The following DRG1 variants were observed in gnomAD, a reference collection of about 807,000 sequenced individuals.
DRG1 encodes developmentally regulated GTP binding protein 1.
Under a neutral mutation model 38.8 loss-of-function variants are expected in DRG1, and 19 were observed. The observed-to-expected ratio is 0.49, with a 90% CI of 0.34 to 0.72. The LOEUF (loss-of-function observed/expected upper bound fraction) is 0.72. Ranked by LOEUF, DRG1 falls within the 30% of genes least tolerant of loss-of-function variation. DRG1 has a pLI of 0.01. For synonymous variants in DRG1, 167 were observed against 157.5 expected (o/e 1.06, Z -0.45); for missense variants, 299 against 444.8 (o/e 0.67, Z 2.95).
At chr22:31,415,179 TATG>T (rs763618988) in intron 4 of DRG1, among the ~76,000 whole-genome samples, 13 of 152,344 alleles carry the variant, frequency 8.5e-5, no homozygotes, top group Admixed American at 5.2e-4. Context: ...CTATGTCTAA[TATG>T]ATATCTACTA....
At chr22:31,408,783 T>C (rs1484019639) in intron 3 of DRG1, among the ~76,000 whole-genome samples, 1 of 151,506 alleles carries the variant, frequency 6.6e-6, no homozygotes, top group Admixed American at 6.6e-5. Flanking sequence ...AAAGATATTT[T>C]AAGTGATGTT....
chr22:31,415,976 C>G (rs1024707917), intron 4 of DRG1, among the ~76,000 whole-genome samples: 4 of 152,084 alleles, frequency 2.6e-5, no homozygotes, highest in African/African-American at 9.7e-5. Context: ...TGCTGCTATC[C>G]TACTGCTCTG....
At chr22:31,420,900 A>G (rs1283433003) in intron 5 of DRG1, among the ~76,000 whole-genome samples, 1 of 152,228 alleles carries the variant, frequency 6.6e-6, no homozygotes, top group Non-Finnish European at 1.5e-5. Context: ...ATAAGAACAC[A>G]AAGTAGGGAA....
chr22:31,423,200 C>T, intron 5 of DRG1, 80 bp from the exon 6 acceptor site: 1 of 1,555,576 alleles, frequency 6.4e-7, no homozygotes, highest in Non-Finnish European at 8.7e-7. Flanking sequence ...TAGAATTTTC[C>T]AGGTACATGG....
chr22:31,424,026 G>A (rs2050093894), intron 6 of DRG1, among the ~76,000 whole-genome samples: 1 of 151,656 alleles, frequency 6.6e-6, no homozygotes, highest in Non-Finnish European at 1.5e-5. Flanking sequence ...CGCCACGCCT[G>A]GCTAATTTTG....
intron 8 of DRG1, among the ~76,000 whole-genome samples, chr22:31,433,660 G>A (rs903156108): frequency 6.6e-5 from 10 of 152,058 alleles, no homozygotes; most frequent in African/African-American, 2.4e-4. Context: ...TTGACTTTCT[G>A]CAATAAGAGG....
chr22:31,408,769 A>AG (rs1413295680), intron 3 of DRG1, among the ~76,000 whole-genome samples: 18 of 151,586 alleles, frequency 1.2e-4, no homozygotes, highest in Admixed American at 1.2e-3. Context: ...AAAAAAAAAA[A>AG]AAAAAAGATA....
At chr22:31,419,454 T>C (rs2050063679) in intron 4 of DRG1, among the ~76,000 whole-genome samples, 1 of 151,732 alleles carries the variant, frequency 6.6e-6, no homozygotes, top group Non-Finnish European at 1.5e-5. Flanking sequence ...CCTCCCAAAG[T>C]GCTAGGATTA....
intron 2 of DRG1, among the ~76,000 whole-genome samples, chr22:31,402,457 A>G (rs1221286921): frequency 6.6e-6 from 1 of 151,922 alleles, no homozygotes; most frequent in Non-Finnish European, 1.5e-5. Context: ...TAGAGTAGCT[A>G]ACAACTCTAT....
chr22:31,423,150 C>A, intron 5 of DRG1, 130 bp from the exon 6 acceptor site: 2 of 1,137,222 alleles, frequency 1.8e-6, no homozygotes, highest in Non-Finnish European at 2.5e-6. Context: ...GTCAGTGACA[C>A]TCATCCCGGA....
At chr22:31,404,430 C>T (rs911490755) in intron 3 of DRG1, among the ~76,000 whole-genome samples, 13 of 151,436 alleles carry the variant, frequency 8.6e-5, no homozygotes, top group East Asian at 1.9e-4. Flanking sequence ...TTTGTAGAGA[C>T]GGGGTTTCAC....
chr22:31,426,963 G>T (rs959030851), intron 7 of DRG1, 97 bp from the exon 8 acceptor site: 12 of 1,560,132 alleles, frequency 7.7e-6, no homozygotes, highest in South Asian at 2.4e-5. Flanking sequence ...GTTGGAGGTT[G>T]TCCTGGTCTG....
intron 4 of DRG1, among the ~76,000 whole-genome samples, chr22:31,413,300 G>T (rs887398690): frequency 2.6e-5 from 4 of 152,012 alleles, no homozygotes; most frequent in Non-Finnish European, 5.9e-5. Flanking sequence ...TTGCTCTGTT[G>T]CCCAGGCTGG....
intron 8 of DRG1, 72 bp from the exon 9 acceptor site, chr22:31,433,796 AAGGG>A: frequency 7.7e-7 from 1 of 1,306,740 alleles, no homozygotes; most frequent in South Asian, 1.2e-5. Flanking sequence ...ATCTGAGCAG[AAGGG>A]TGGCATCCAG....
chr22:31,412,810 C>T (rs943450826), intron 4 of DRG1, among the ~76,000 whole-genome samples: 3 of 151,588 alleles, frequency 2.0e-5, no homozygotes, highest in South Asian at 2.1e-4. Flanking sequence ...CTCAGTCTCC[C>T]GAGTAGCAGG....
chr22:31,430,250 G>T (rs183547257), intron 8 of DRG1, among the ~76,000 whole-genome samples: 2 of 152,170 alleles, frequency 1.3e-5, no homozygotes, highest in African/African-American at 2.4e-5. Flanking sequence ...GGAAATACAT[G>T]TATGGATACT....
At chr22:31,403,261 A>C (rs1276710013) in intron 3 of DRG1, 57 bp downstream of exon 3, 1 of 1,522,142 alleles carries the variant, frequency 6.6e-7, no homozygotes, top group Non-Finnish European at 8.8e-7. Flanking sequence ...TTTAGGAAGA[A>C]GTTTATTGGG....
chr22:31,415,718 C>G (rs958246359), intron 4 of DRG1, among the ~76,000 whole-genome samples: 21 of 152,032 alleles, frequency 1.4e-4, no homozygotes, highest in African/African-American at 4.6e-4. Flanking sequence ...CCTTATCTTT[C>G]CTTAGGTCTT....
At chr22:31,412,635 C>T (rs1039676373) in intron 4 of DRG1, among the ~76,000 whole-genome samples, 7 of 151,978 alleles carry the variant, frequency 4.6e-5, no homozygotes, top group African/African-American at 1.4e-4. Flanking sequence ...AGGTGTGAAC[C>T]ACCGTGCCTG....
Sources: allele counts gnomAD v4.1 joint callset (sites outside exome capture counted in the v4.1 genomes callset), GRCh38; gene constraint gnomAD v4.1.1; transcripts MANE v1.5; gene names NCBI Gene and HGNC (gene_info 2026-07-23, HGNC 2026-07-21).